The following PTPRN2 variants were observed in gnomAD, a reference collection of about 807,000 sequenced individuals.
PTPRN2 encodes receptor-type tyrosine-protein phosphatase N2.
PTPRN2 carries 74 observed loss-of-function variants against 118.8 expected under a neutral mutation model. The observed-to-expected ratio is 0.62, with a 90% confidence interval of 0.52 to 0.76. The LOEUF is 0.76. PTPRN2 is among the 30% of genes least tolerant of loss of function. The probability of loss-of-function intolerance (pLI) is 0.00; values close to 1 mark genes in which losing one functional copy is unlikely to be tolerated. For synonymous variants in PTPRN2, 641 were observed against 608.0 expected (o/e 1.05, Z -0.80); for missense variants, 1,481 against 1,394.4 (o/e 1.06, Z -0.99).
chr7:158,578,517 A>G (rs550090713), intron 1 of PTPRN2, among the ~76,000 whole-genome samples: 1 of 128,940 alleles, frequency 7.8e-6, no homozygotes, highest in African/African-American at 2.9e-5. Flanking sequence ...TCTGGGCTAC[A>G]GAGCCAGACC....
intron 9 of PTPRN2, among the ~76,000 whole-genome samples, chr7:158,123,836 C>T (rs562422936): frequency 1.4e-4 from 22 of 152,168 alleles, no homozygotes; most frequent in African/African-American, 5.1e-4. Flanking sequence ...AGCCGTGAAC[C>T]CGTGCTGACC....
rs138665655 is a variant in PTPRN2 at position 158,097,154 on chromosome 7, G to A, written c.1643+13675C>T. ...GCAAAACAATCACAACTCTGCCCCC[G>A]GAAACTGAAACATACTTTCCAGAAG... On this transcript the variant is annotated intron_variant, in intron 10 of 22. Transcript: ENST00000389418. 6.3e-3 allele frequency among the ~76,000 whole-genome samples: 957 copies of A among 151,432 alleles called. 7 individuals carry two copies. The highest frequency in any genetic ancestry group is 0.022 in the African/African-American group (913 of 41,184).
rs146752502 is a variant in PTPRN2 at position 158,480,982 on chromosome 7, G to A, written c.163+8753C>T. ...AGAAGATCTGGCTGAGATCAGTGAC[G>A]AAGGTGGCTGCTCTAACAACAGATT... On this transcript the variant is annotated intron_variant, in intron 2 of 22. Transcript: ENST00000389418. Among the ~76,000 whole-genome samples the A allele has an allele frequency of 1.6e-4, 25 of 152,380 alleles. No homozygotes were observed. In the East Asian group the frequency reaches 3.9e-3, roughly 23 times the overall value.
At chr7:157,985,252 G>GA (rs1803689811) in intron 11 of PTPRN2, among the ~76,000 whole-genome samples, 3 of 152,050 alleles carry the variant, frequency 2.0e-5, no homozygotes, top group Admixed American at 6.5e-5. Flanking sequence ...TCTTTTTTTA[G>GA]AAAAAAGCAG....
At chr7:157,709,470 G>A (rs535826650) in intron 12 of PTPRN2, among the ~76,000 whole-genome samples, 61 of 152,298 alleles carry the variant, frequency 4.0e-4, no homozygotes, top group African/African-American at 1.4e-3. Context: ...TTTACCACTG[G>A]GTTACTCGGA....
Position 157,808,412 on chromosome 7 carries a change from C to T in PTPRN2, c.1788+90261G>A, listed in dbSNP as rs114638717. Among the ~76,000 whole-genome samples, 9 of 152,256 alleles carry T rather than the reference C, an allele frequency of 5.9e-5. No individual in the cohort carries two copies. The highest frequency in any genetic ancestry group is 1.9e-4 in the African/African-American group (8 of 41,546). On this transcript the variant is annotated intron_variant, in intron 12 of 22. Coordinates refer to ENST00000389418, the MANE Select transcript of PTPRN2 (RefSeq NM_002847.5). This position sits in a 1 kb window ranked among gnomAD's most constrained non-coding sequence, Gnocchi z 5.0. ...CCCATGGCTCACAGTACTGCCTGGG[C>T]TCCACCTCCTGTCAGCTCAGCAGTG... is the stretch of plus-strand genomic sequence containing the variant.
intron 12 of PTPRN2, among the ~76,000 whole-genome samples, chr7:157,756,423 G>C (rs1801785200): frequency 6.6e-6 from 1 of 151,884 alleles, no homozygotes; most frequent in South Asian, 2.1e-4. Context: ...GCCTCCCGAA[G>C]TACCTGGGAT....
chr7:158,389,400 A>G (rs1404683562), intron 2 of PTPRN2, among the ~76,000 whole-genome samples: 1 of 152,274 alleles, frequency 6.6e-6, no homozygotes, highest in Non-Finnish European at 1.5e-5. Context: ...TCATTAGAAA[A>G]GAGATGTATT....
chr7:158,175,045 G>A (rs1264044018), intron 5 of PTPRN2, among the ~76,000 whole-genome samples: 5 of 152,204 alleles, frequency 3.3e-5, no homozygotes, highest in South Asian at 2.1e-4. Flanking sequence ...CCCACATGCC[G>A]GGAGACTCTG....
Position 158,078,490 on chromosome 7 carries a change from T to A in PTPRN2, c.1723+2808A>T, listed in dbSNP as rs530195398. Among the ~76,000 whole-genome samples, 35 of 152,354 alleles carry A rather than the reference T, an allele frequency of 2.3e-4. 1 individual carries two copies. The South Asian group carries it at 7.2e-3, about 32-fold the overall frequency. ...GTGATGACACTATTAGGATTCCACA[T>A]CATCTTTTAAAACACAAACCATAAG... On this transcript the variant is annotated intron_variant, in intron 11 of 22. Transcript: ENST00000389418.
At chr7:158,338,008 T>C (rs1806022983) in intron 2 of PTPRN2, among the ~76,000 whole-genome samples, 2 of 51,552 alleles carry the variant, frequency 3.9e-5, no homozygotes, top group African/African-American at 6.8e-5. Context: ...CCATAATTGG[T>C]GACACCTGCA....
chr7:157,681,066 C>A (rs1226904708), intron 13 of PTPRN2, among the ~76,000 whole-genome samples: 1 of 151,968 alleles, frequency 6.6e-6, no homozygotes, highest in Admixed American at 6.5e-5. Flanking sequence ...TTAATTATCA[C>A]AAACTCAGTC....
intron 12 of PTPRN2, among the ~76,000 whole-genome samples, chr7:157,687,149 G>T (rs1334940480): frequency 1.3e-5 from 2 of 152,058 alleles, no homozygotes; most frequent in African/African-American, 4.8e-5. Context: ...CCGTGCCCCT[G>T]AGTGGAGGTG....
chr7:157,706,826 G>A lies in PTPRN2; in HGVS notation c.1789-23889C>T, dbSNP rs538952395. ...TGACCCCAGTGCCTTCCAGATCAACGTGACCACATCCCTCCTGATTGCCAG... is the reference window on the plus strand; with the variant it reads ...TGACCCCAGTGCCTTCCAGATCAACATGACCACATCCCTCCTGATTGCCAG... On this transcript the variant is annotated intron_variant, in intron 12 of 22. Coordinates refer to ENST00000389418, the MANE Select transcript of PTPRN2 (RefSeq NM_002847.5). Among the ~76,000 whole-genome samples the A allele has an allele frequency of 1.1e-4, 16 of 151,790 alleles. No individual in the cohort carries two copies. The East Asian group carries it at 2.8e-3, about 26-fold the overall frequency.
intron 12 of PTPRN2, among the ~76,000 whole-genome samples, chr7:157,775,316 C>T (rs916789409): frequency 6.6e-6 from 1 of 152,220 alleles, no homozygotes; most frequent in East Asian, 1.9e-4. Context: ...CACCCAAATT[C>T]ATGAGCCGCA....
At chr7:157,775,056 C>T (rs1169837671) in intron 12 of PTPRN2, among the ~76,000 whole-genome samples, 1 of 152,144 alleles carries the variant, frequency 6.6e-6, no homozygotes, top group Non-Finnish European at 1.5e-5. Context: ...AGTCTGAGGG[C>T]CTGAAAACGT....
At chr7:158,140,354 G>C (rs542065586) in intron 6 of PTPRN2, among the ~76,000 whole-genome samples, 1 of 152,194 alleles carries the variant, frequency 6.6e-6, no homozygotes, top group Non-Finnish European at 1.5e-5. Flanking sequence ...AATTGGACTC[G>C]TAAGTATTTA....
chr7:158,394,147 CCT>C (rs1812151474), intron 2 of PTPRN2, among the ~76,000 whole-genome samples: 1 of 151,074 alleles, frequency 6.6e-6, no homozygotes, highest in African/African-American at 2.4e-5. Context: ...CACCTCAACC[CCT>C]CTGTCCCCGA....
intron 12 of PTPRN2, among the ~76,000 whole-genome samples, chr7:157,757,141 A>T (rs1801832677): frequency 6.6e-6 from 1 of 151,990 alleles, no homozygotes; most frequent in Non-Finnish European, 1.5e-5. Context: ...AGAGATCATT[A>T]TTGTTACGAC....
Sources: allele counts gnomAD v4.1 joint callset (sites outside exome capture counted in the v4.1 genomes callset), GRCh38; gene constraint gnomAD v4.1.1; non-coding constraint Gnocchi (gnomAD v3.1); transcripts MANE v1.5; gene names NCBI Gene and HGNC (gene_info 2026-07-23, HGNC 2026-07-21).